Variants in PPP1R9A observed in about 807,000 individuals in gnomAD.
The protein encoded by PPP1R9A is protein phosphatase 1 regulatory subunit 9A, also known as neurabin-1.
A neutral mutation model predicts 141.9 loss-of-function variants in PPP1R9A; 59 were observed. That is an observed-to-expected ratio of 0.42 (90% CI 0.34 to 0.52). The LOEUF (loss-of-function observed/expected upper bound fraction) is 0.52. Ranked by LOEUF, PPP1R9A falls within the 20% of genes least tolerant of loss-of-function variation. PPP1R9A has a pLI of 0.10. For missense variants in PPP1R9A, 1,444 were observed against 1,611.9 expected, an observed-to-expected ratio of 0.90 and a Z score of 1.78; for synonymous variants, 500 against 569.7, an observed-to-expected ratio of 0.88 and a Z score of 1.74.
intron 2 of PPP1R9A, among the ~76,000 whole-genome samples, chr7:94,936,226 C>T (rs1415274816): frequency 6.6e-6 from 1 of 152,070 alleles, no homozygotes; most frequent in Non-Finnish European, 1.5e-5. Context: ...GATCTTTTTC[C>T]TCTGGGCGCC....
chr7:95,175,878 G>A (rs1832826804), intron 5 of PPP1R9A, among the ~76,000 whole-genome samples: 1 of 151,972 alleles, frequency 6.6e-6, no homozygotes, highest in Non-Finnish European at 1.5e-5. Flanking sequence ...ATTAATCTGA[G>A]GGTCTTAAAT....
chr7:95,104,085 CGTTAAG>C (rs1403046104), intron 2 of PPP1R9A, among the ~76,000 whole-genome samples: 2 of 152,142 alleles, frequency 1.3e-5, no homozygotes, highest in East Asian at 3.9e-4. Context: ...AATGTATTAA[CGTTAAG>C]TATGCTACAA....
At chr7:94,963,772 C>T (rs2151150282) in intron 2 of PPP1R9A, among the ~76,000 whole-genome samples, 1 of 152,220 alleles carries the variant, frequency 6.6e-6, no homozygotes, top group East Asian at 1.9e-4. Flanking sequence ...GCCTTTGTGA[C>T]ATATTCAACA....
intron 6 of PPP1R9A, among the ~76,000 whole-genome samples, chr7:95,199,846 T>C (rs977004703): frequency 2.6e-5 from 4 of 152,326 alleles, no homozygotes; most frequent in Admixed American, 2.6e-4. Flanking sequence ...TAGTATTTTG[T>C]ATTTTATCAG....
intron 2 of PPP1R9A, among the ~76,000 whole-genome samples, chr7:94,975,293 G>T (rs1799303183): frequency 6.7e-6 from 1 of 150,006 alleles, no homozygotes; most frequent in South Asian, 2.1e-4. Flanking sequence ...TTTTAGCTTT[G>T]CTGCAGATTT....
intron 7 of PPP1R9A, among the ~76,000 whole-genome samples, chr7:95,209,844 A>G (rs945916741): frequency 6.6e-6 from 1 of 152,192 alleles, no homozygotes; most frequent in African/African-American, 2.4e-5. Flanking sequence ...AATAATGATA[A>G]CATGTCTCTT....
At chr7:95,216,617 T>A (rs1291218599) in intron 7 of PPP1R9A, among the ~76,000 whole-genome samples, 1 of 152,216 alleles carries the variant, frequency 6.6e-6, no homozygotes, top group Non-Finnish European at 1.5e-5. Context: ...GTTCTTCCAT[T>A]TGTTTGTATC....
rs1804853180 is a variant in PPP1R9A at position 95,284,258 on chromosome 7, A to C, written c.3537A>C (p.Pro1179=). 1 of 1,573,168 alleles carries C rather than the reference A, an allele frequency of 6.4e-7. No homozygotes were observed. Among genetic ancestry groups the C allele is most frequent in the African/African-American group, 1.3e-5 (1 of 74,252 alleles). Residue 1179 remains proline (P), a synonymous_variant, in exon 17 of 20, where the codon CCA becomes CCC. Transcript: ENST00000433360. The stretch of plus-strand genomic sequence containing the variant: ...TTACAAAAGCAAACAAGAGAAACCC[A>C]AATCCCTCCTCTTCTTCAATCTTTG... The part of the protein sequence containing the change: ...TWITKANKRN[P]NPSSSSIFGR...
chr7:95,287,225 T>C lies in PPP1R9A; in HGVS notation c.3729+900T>C. The C allele has an allele frequency of 3.5e-6, 5 of 1,440,204 alleles. No homozygotes were observed. The South Asian group carries it at 4.6e-5, about 13-fold the overall frequency. The allele number at this position is 1,440,204 out of a possible 1,614,324, so 89.2% of individuals were successfully genotyped here. ...TGGAGATGACTGAAAAATCAGACAA[T>C]ACAAGAATATCTTCCTCTGTAGTGA... On this transcript the variant is annotated intron_variant, in intron 18 of 19. Transcript: ENST00000433360.
chr7:94,968,602 C>G (rs1386824997), intron 2 of PPP1R9A, among the ~76,000 whole-genome samples: 10 of 152,084 alleles, frequency 6.6e-5, no homozygotes, highest in African/African-American at 2.4e-4. Flanking sequence ...CACATAAGAT[C>G]GGTCTCCTGA....
intron 2 of PPP1R9A, among the ~76,000 whole-genome samples, chr7:95,045,189 G>T (rs1303751119): frequency 6.6e-6 from 1 of 152,070 alleles, no homozygotes; most frequent in Non-Finnish European, 1.5e-5. Flanking sequence ...GAAATAATTC[G>T]ACCGAGGGGC....
At chr7:95,003,918 CTGTACT>C (rs1563106484) in intron 2 of PPP1R9A, among the ~76,000 whole-genome samples, 1 of 152,166 alleles carries the variant, frequency 6.6e-6, no homozygotes, top group Non-Finnish European at 1.5e-5. Flanking sequence ...AGCTACCCAT[CTGTACT>C]TATTCTAAAA....
chr7:94,962,220 C>G (rs1271287168), intron 2 of PPP1R9A, among the ~76,000 whole-genome samples: 2 of 151,880 alleles, frequency 1.3e-5, no homozygotes, highest in Non-Finnish European at 2.9e-5. Context: ...AGTTTGTTGT[C>G]TCCAAATTTT....
intron 2 of PPP1R9A, among the ~76,000 whole-genome samples, chr7:94,924,614 C>T (rs1428156000): frequency 2.6e-5 from 4 of 152,082 alleles, no homozygotes; most frequent in East Asian, 1.9e-4. Flanking sequence ...CTGCAACTTC[C>T]GTCTCCCGAG....
At position 95,224,394 on chromosome 7, in the gene PPP1R9A, T is replaced by G. The variant is rs1208930764; in HGVS notation, c.1957-1567T>G. On this transcript the variant is annotated intron_variant, in intron 7 of 19. Coordinates refer to ENST00000433360, the MANE Select transcript of PPP1R9A (RefSeq NM_001166160.2). Reference sequence around the variant, plus strand: ...GATGCCACCAATGTCAAGTTCTCCATGATAATAGCCTCTGTGTGGGGAGGT... The same window carrying G: ...GATGCCACCAATGTCAAGTTCTCCAGGATAATAGCCTCTGTGTGGGGAGGT... 3.3e-5 allele frequency among the ~76,000 whole-genome samples: 5 copies of G among 152,282 alleles called. 1 individual carries two copies. The highest frequency in any genetic ancestry group is 1.2e-4 in the African/African-American group (5 of 41,572).
At chr7:95,202,583 G>A (rs1789813052) in intron 6 of PPP1R9A, 1 of 907,346 alleles carries the variant, frequency 1.1e-6, no homozygotes, top group Non-Finnish European at 1.3e-6. Context: ...TGCCATGGAG[G>A]ATTTCAATAA....
At chr7:95,259,032 T>C (rs980159929) in intron 12 of PPP1R9A, among the ~76,000 whole-genome samples, 6 of 152,202 alleles carry the variant, frequency 3.9e-5, no homozygotes, top group Admixed American at 2.0e-4. Flanking sequence ...AAAAAGTTAA[T>C]TAATTTTAGT....
At chr7:95,180,707 C>T (rs1469465311) in intron 5 of PPP1R9A, among the ~76,000 whole-genome samples, 1 of 151,916 alleles carries the variant, frequency 6.6e-6, no homozygotes, top group Admixed American at 6.6e-5. Context: ...AAAAAGTGGG[C>T]TAAGGACATA....
intron 5 of PPP1R9A, 69 bp from the exon 6 acceptor site, chr7:95,198,279 TG>T: frequency 1.4e-6 from 2 of 1,438,072 alleles, no homozygotes; most frequent in African/African-American, 2.8e-5. Flanking sequence ...AGATCAAACC[TG>T]TTTACTTTTC....
Sources: allele counts gnomAD v4.1 joint callset (sites outside exome capture counted in the v4.1 genomes callset), GRCh38; gene constraint gnomAD v4.1.1; transcripts MANE v1.5; gene names NCBI Gene and HGNC (gene_info 2026-07-23, HGNC 2026-07-21).